ENKUR: variants seen among roughly 807,000 people sequenced by gnomAD.
ENKUR encodes the protein enkurin, TRPC channel interacting protein, also known as enkurin.
In ENKUR, 19 loss-of-function variants were observed where a neutral mutation model predicts 27.6. The observed-to-expected ratio is 0.69, with a 90% confidence interval of 0.48 to 1.01. ENKUR has a LOEUF of 1.01. Among genes scored for constraint, ENKUR ranks in the 50% least tolerant of loss-of-function variants. ENKUR has a pLI of 0.00. For synonymous variants in ENKUR, 117 were observed against 96.9 expected (o/e 1.21, Z -1.22); for missense variants, 312 against 310.5 (o/e 1.00, Z -0.04).
intron 2 of ENKUR, among the ~76,000 whole-genome samples, chr10:25,046,143 T>C (rs890196600): frequency 6.6e-6 from 1 of 151,880 alleles, no homozygotes; most frequent in African/African-American, 2.4e-5. Flanking sequence ...CTATGAGAGG[T>C]TTATTAATTA....
chr10:25,043,049 A>C (rs538050944), intron 2 of ENKUR, among the ~76,000 whole-genome samples: 1 of 152,316 alleles, frequency 6.6e-6, no homozygotes, highest in Non-Finnish European at 1.5e-5. Context: ...GAGCGGCATT[A>C]TGTTTCAGAA....
chr10:25,028,142 C>G (rs189947422), intron 2 of ENKUR, among the ~76,000 whole-genome samples: 1 of 152,154 alleles, frequency 6.6e-6, no homozygotes, highest in African/African-American at 2.4e-5. Context: ...CTAGCAGAGG[C>G]AGGAGAAACA....
At chr10:25,023,818 G>A in intron 2 of ENKUR, 1 of 1,614,194 alleles carries the variant, frequency 6.2e-7, no homozygotes, top group Non-Finnish European at 8.5e-7. Flanking sequence ...GTGGTATGAT[G>A]CTCGTGTTTT....
chr10:25,059,557 C>A (rs1462180999), intron 2 of ENKUR, among the ~76,000 whole-genome samples: 1 of 152,186 alleles, frequency 6.6e-6, no homozygotes, highest in Non-Finnish European at 1.5e-5. Flanking sequence ...GGAGCAGACC[C>A]ACCCATCTAT....
chr10:25,060,327 A>T (rs912745750), intron 2 of ENKUR, among the ~76,000 whole-genome samples: 1 of 152,210 alleles, frequency 6.6e-6, no homozygotes, highest in African/African-American at 2.4e-5. Flanking sequence ...TTCTCATAAC[A>T]CACACTCCAA....
chr10:24,996,456 G>GTGTATATATA (rs757314440), intron 2 of ENKUR, among the ~76,000 whole-genome samples: 2 of 149,806 alleles, frequency 1.3e-5, no homozygotes, highest in African/African-American at 4.9e-5. Context: ...GTGTGTGTGT[G>GTGTATATATA]TATATATATA....
At chr10:25,042,283 G>GAC (rs1851072953) in intron 2 of ENKUR, among the ~76,000 whole-genome samples, 1 of 140,240 alleles carries the variant, frequency 7.1e-6, no homozygotes, top group Admixed American at 7.4e-5. Context: ...TTTTTTTTGA[G>GAC]TCAGAGTCTC....
chr10:25,052,726 T>A (rs1323275579), intron 2 of ENKUR, among the ~76,000 whole-genome samples: 1 of 152,136 alleles, frequency 6.6e-6, no homozygotes. Flanking sequence ...TGAGCTATGA[T>A]CACACCACTG....
chr10:25,051,645 A>G (rs1285834097), intron 2 of ENKUR, among the ~76,000 whole-genome samples: 1 of 152,228 alleles, frequency 6.6e-6, no homozygotes, highest in Non-Finnish European at 1.5e-5. Flanking sequence ...ACCATTTATG[A>G]GCAATCCACC....
At position 25,046,151 on chromosome 10, in the gene ENKUR, T is replaced by C. The variant is rs142388843; in HGVS notation, c.37+14961A>G. Among the ~76,000 whole-genome samples, 868 of 152,290 alleles carry C rather than the reference T, an allele frequency of 5.7e-3. 30 individuals carry two copies. Among genetic ancestry groups the C allele is most frequent in the East Asian group, 0.027 (140 of 5,176 alleles). ...GCAAATGCTATGAGAGGTTTATTAA[T>C]TATTATAACTCAATCTGGCTGTTTT... On this transcript the variant is annotated intron_variant, in intron 2 of 5. Coordinates refer to the ENKUR transcript ENST00000615958.
At chr10:25,017,480 T>G (rs1850627916), upstream of ENKUR, among the ~76,000 whole-genome samples, 1 of 152,166 alleles carries the variant, frequency 6.6e-6, no homozygotes, top group African/African-American at 2.4e-5. Flanking sequence ...TCTCACTGCC[T>G]GGTTGGCTGG....
chr10:25,061,027 A>G (rs1851320001), intron 2 of ENKUR: 3 of 1,325,608 alleles, frequency 2.3e-6, no homozygotes, highest in South Asian at 1.3e-5. Context: ...ATGTTTCTTT[A>G]GATGAGACAA....
chr10:25,058,583 T>C (rs186826237), intron 2 of ENKUR, among the ~76,000 whole-genome samples: 266 of 152,228 alleles, frequency 1.7e-3, no homozygotes, highest in Non-Finnish European at 2.8e-3. Context: ...TGAGAGCGCT[T>C]ATTCATGACA....
rs563658121 is a variant in ENKUR at position 24,999,247 on chromosome 10, A to G, written c.223+154T>C. The stretch of plus-strand genomic sequence containing the variant: ...ACACTCCATTCTATTTTTCTACCCA[A>G]TTCTCTACTTCCACTTTCTCCTAGT... On this transcript the variant is annotated intron_variant, in intron 2 of 5. Transcript: ENST00000331161. 3.3e-5 allele frequency among the ~76,000 whole-genome samples: 5 copies of G among 152,290 alleles called. No homozygotes were observed. In the East Asian group the frequency reaches 7.7e-4, roughly 23 times the overall value.
intron 4 of ENKUR, among the ~76,000 whole-genome samples, chr10:24,987,998 A>AT (rs1166448867): frequency 1.3e-5 from 2 of 151,932 alleles, no homozygotes; most frequent in Non-Finnish European, 2.9e-5. Context: ...AGGCGGGTGG[A>AT]TCACCTGAGG....
At chr10:25,024,360 A>G in intron 2 of ENKUR, 1 of 1,614,092 alleles carries the variant, frequency 6.2e-7, no homozygotes, top group Non-Finnish European at 8.5e-7. Flanking sequence ...TAGCTACTTC[A>G]GGAGACACAG....
intron 2 of ENKUR, chr10:25,023,060 C>T: frequency 1.8e-6 from 1 of 571,122 alleles, no homozygotes; most frequent in Non-Finnish European, 2.8e-6. Context: ...GATTTTTAAA[C>T]AGTTTATGTA....
In ENKUR at chr10:25,043,888, A is replaced by T. The variant is rs548379420; in HGVS notation, c.37+17224T>A. Among the ~76,000 whole-genome samples, 53 of 133,104 alleles carry T rather than the reference A, an allele frequency of 4.0e-4. 2 individuals are homozygous for T. The South Asian group carries it at 0.013, about 33-fold the overall frequency. The allele number at this position is 133,104 out of a possible 152,430, so 87.3% of individuals were successfully genotyped here. A position where few individuals can be genotyped will look rare whatever the true frequency, so the allele number is the denominator to read the frequency against. On this transcript the variant is annotated intron_variant, in intron 2 of 5. Transcript: ENST00000615958. ...ACATCTGACGAAATTTTAATTTCAGATATTCTTTTTTTTTTTTTTAGTTCT... is the reference window on the plus strand; with the variant it reads ...ACATCTGACGAAATTTTAATTTCAGTTATTCTTTTTTTTTTTTTTAGTTCT...
At chr10:25,034,048 A>G (rs1850971924) in intron 2 of ENKUR, among the ~76,000 whole-genome samples, 1 of 152,202 alleles carries the variant, frequency 6.6e-6, no homozygotes, top group East Asian at 1.9e-4. Flanking sequence ...TGACTAAAGT[A>G]CATTTCTACA....
Sources: gnomAD v4.1 joint callset for allele counts (sites outside exome capture counted in the v4.1 genomes callset) on GRCh38, gnomAD v4.1.1 for gene constraint, MANE v1.5 for transcripts, NCBI Gene and HGNC (gene_info 2026-07-23, HGNC 2026-07-21) for gene names.